The following PRKN variants were observed in gnomAD, a reference collection of about 807,000 sequenced individuals.
PRKN encodes parkin RBR E3 ubiquitin protein ligase, also known as E3 ubiquitin-protein ligase parkin.
In PRKN, 56 loss-of-function variants were observed where a neutral mutation model predicts 59.5. The observed-to-expected ratio is 0.94, with a 90% CI of 0.76 to 1.18. The LOEUF (loss-of-function observed/expected upper bound fraction) is 1.18. Among genes scored for constraint, PRKN ranks in the 50% most tolerant of loss-of-function variants. PRKN has a pLI of 0.00. For synonymous variants in PRKN, 250 were observed against 222.1 expected (o/e 1.13, Z -1.12); for missense variants, 657 against 596.4 (o/e 1.10, Z -1.06).
intron 7 of PRKN, among the ~76,000 whole-genome samples, chr6:161,665,811 G>A (rs1428087191): frequency 6.6e-6 from 1 of 152,136 alleles, no homozygotes; most frequent in Non-Finnish European, 1.5e-5. Flanking sequence ...TGTGTGAAAC[G>A]CTGAACTGAC....
chr6:162,548,727 C>T (rs891150589), intron 1 of PRKN, among the ~76,000 whole-genome samples: 1 of 152,124 alleles, frequency 6.6e-6, no homozygotes, highest in Admixed American at 6.5e-5. Flanking sequence ...GTGCAAATTT[C>T]TTGATGAACG....
At chr6:162,526,271 G>GTAAA in intron 1 of PRKN, among the ~76,000 whole-genome samples, 1 of 145,112 alleles carries the variant, frequency 6.9e-6, no homozygotes, top group African/African-American at 2.6e-5. Flanking sequence ...AAGGCTAAGG[G>GTAAA]AAAAAAAAAA....
rs551223607 is a variant in PRKN, at chr6:162,249,601, C to T, written c.412+12924G>A. Among the ~76,000 whole-genome samples the T allele has an allele frequency of 1.5e-3, 228 of 152,010 alleles. 4 individuals are homozygous for T. Among genetic ancestry groups the T allele is most frequent in the Non-Finnish European group, 2.2e-4 (15 of 67,994 alleles). On this transcript the variant is annotated intron_variant, in intron 3 of 11. Transcript: ENST00000366898. ...GAGAGAATGTCTTGGAATTGTTTCC[C>T]GAGCTTTGAGAAAGAAAAGCAAATA... is the stretch of plus-strand genomic sequence containing the variant.
chr6:161,389,979 C>T (rs1049373570), intron 9 of PRKN, among the ~76,000 whole-genome samples: 2 of 152,142 alleles, frequency 1.3e-5, no homozygotes, highest in African/African-American at 4.8e-5. Context: ...TGAAAGCCTC[C>T]CCACTTTAGC....
In PRKN at chr6:161,551,367, G is replaced by A. The variant is rs996321381; in HGVS notation, c.934-2364C>T. The stretch of plus-strand genomic sequence containing the variant: ...ATCCTTGAAATTATTCGTAAAGCTC[G>A]ACACTAGGTTAGATCTATGACACTC... On this transcript the variant is annotated intron_variant, in intron 8 of 11. Transcript: ENST00000366898. This position sits in a 1 kb window ranked among gnomAD's most constrained non-coding sequence, Gnocchi z 5.2. Among the ~76,000 whole-genome samples, 1 of 152,154 alleles carries A rather than the reference G, an allele frequency of 6.6e-6. No individual in the cohort carries two copies. The highest frequency in any genetic ancestry group is 1.5e-5 in the Non-Finnish European group (1 of 68,028).
At chr6:161,900,928 A>ATTT (rs1554245085) in intron 6 of PRKN, among the ~76,000 whole-genome samples, 16 of 143,510 alleles carry the variant, frequency 1.1e-4, no homozygotes, top group East Asian at 6.0e-4. Flanking sequence ...ATATATATAT[A>ATTT]TTTTTTAGAT....
chr6:161,770,338 A>G (rs745908037), intron 7 of PRKN, among the ~76,000 whole-genome samples: 1 of 152,082 alleles, frequency 6.6e-6, no homozygotes, highest in African/African-American at 2.4e-5. Flanking sequence ...GTATTTAAAA[A>G]CTATTTCAGA....
intron 7 of PRKN, among the ~76,000 whole-genome samples, chr6:161,601,727 C>T (rs12207142): frequency 0.31 from 47,069 of 151,400 alleles, 8,078 homozygotes; most frequent in Middle Eastern, 0.46. Flanking sequence ...GGATTACAGG[C>T]GCCCGCCACC....
rs1778990784 is a variant in PRKN, at chr6:161,525,656, C to A, written c.1083+23198G>T. Among the ~76,000 whole-genome samples the A allele has an allele frequency of 6.6e-6, 1 of 152,126 alleles. No individual in the cohort carries two copies. The highest frequency in any genetic ancestry group is 2.4e-5 in the African/African-American group (1 of 41,428). Reference sequence around the variant, plus strand: ...TAAAATATGAACAGAGACAAGAGAACCTACCTGCACTTAGTATCCCTGTAC... The same window carrying A: ...TAAAATATGAACAGAGACAAGAGAAACTACCTGCACTTAGTATCCCTGTAC... On this transcript the variant is annotated intron_variant, in intron 9 of 11. Coordinates refer to ENST00000366898, the MANE Select transcript of PRKN (RefSeq NM_004562.3). The surrounding 1 kb of genome is among the most constrained non-coding windows in gnomAD (Gnocchi z 4.7).
chr6:161,881,312 C>T lies in PRKN; in HGVS notation c.734+91990G>A, dbSNP rs545900303. On this transcript the variant is annotated intron_variant, in intron 6 of 11. Coordinates refer to ENST00000366898, the MANE Select transcript of PRKN (RefSeq NM_004562.3). ...CAGGGGAGTAGGAAGTTCCGCCCTG[C>T]CACCCTTTTTCTTTGCGGGAGAGGT... Among the ~76,000 whole-genome samples, 19 of 152,296 alleles carry T rather than the reference C, an allele frequency of 1.2e-4. 1 individual carries two copies. Among genetic ancestry groups the T allele is most frequent in the East Asian group, 1.2e-3 (6 of 5,182 alleles).
chr6:162,035,166 T>G (rs76703979), intron 5 of PRKN, among the ~76,000 whole-genome samples: 38 of 25,534 alleles, frequency 1.5e-3, no homozygotes, highest in East Asian at 6.5e-3. Flanking sequence ...CAGAGAGAGA[T>G]ATATATATAT....
At chr6:161,695,861 G>A (rs958514996) in intron 7 of PRKN, among the ~76,000 whole-genome samples, 4 of 152,188 alleles carry the variant, frequency 2.6e-5, no homozygotes, top group East Asian at 1.9e-4. Flanking sequence ...AAAATAGGAA[G>A]AGTGAGCTTA....
chr6:161,877,031 T>C (rs1048291632), intron 6 of PRKN, among the ~76,000 whole-genome samples: 1 of 152,194 alleles, frequency 6.6e-6, no homozygotes, highest in South Asian at 2.1e-4. Context: ...CAGGTCCTTT[T>C]GATAAAGGAT....
chr6:162,145,825 C>T (rs1782001849), intron 4 of PRKN, among the ~76,000 whole-genome samples: 2 of 152,304 alleles, frequency 1.3e-5, no homozygotes, highest in South Asian at 4.1e-4. Flanking sequence ...AAACAAACAT[C>T]TGATGGGCGG....
chr6:162,371,216 T>C (rs957407845), intron 2 of PRKN, among the ~76,000 whole-genome samples: 1 of 152,178 alleles, frequency 6.6e-6, no homozygotes, highest in African/African-American at 2.4e-5. Context: ...TAAGTGCTCA[T>C]GTATTATTTC....
At chr6:162,660,963 A>T (rs1283030261) in intron 1 of PRKN, among the ~76,000 whole-genome samples, 2 of 152,106 alleles carry the variant, frequency 1.3e-5, no homozygotes, top group African/African-American at 4.8e-5. Context: ...ACATTCAACT[A>T]AGAAAGAACA....
At chr6:161,438,215 A>ATTTTTTTTT (rs34955373) in intron 9 of PRKN, among the ~76,000 whole-genome samples, 3 of 112,438 alleles carry the variant, frequency 2.7e-5, no homozygotes, top group Non-Finnish European at 5.2e-5. Flanking sequence ...AATTCTGTTA[A>ATTTTTTTTT]TTTTTTTTTT....
chr6:162,246,537 A>T (rs946874405), intron 3 of PRKN, among the ~76,000 whole-genome samples: 1 of 152,194 alleles, frequency 6.6e-6, no homozygotes, highest in African/African-American at 2.4e-5. Context: ...TTAGGGAAAA[A>T]TCTCCTCTTA....
At chr6:161,476,288 G>A (rs979591908) in intron 9 of PRKN, among the ~76,000 whole-genome samples, 1 of 152,102 alleles carries the variant, frequency 6.6e-6, no homozygotes, top group African/African-American at 2.4e-5. Flanking sequence ...CCAGGAGTGT[G>A]AGAATGTATA....
Sources: allele counts gnomAD v4.1 joint callset (sites outside exome capture counted in the v4.1 genomes callset), GRCh38; gene constraint gnomAD v4.1.1; non-coding constraint Gnocchi (gnomAD v3.1); transcripts MANE v1.5; gene names NCBI Gene and HGNC (gene_info 2026-07-23, HGNC 2026-07-21).